RAB10: variants seen among roughly 807,000 people sequenced by gnomAD.
RAB10 encodes the protein ras-related protein Rab-10.
RAB10 carries 5 observed loss-of-function variants against 25.7 expected under a neutral mutation model. The ratio of observed to expected loss-of-function variants is 0.19; its 90% CI spans 0.10 to 0.41. The LOEUF (loss-of-function observed/expected upper bound fraction) is 0.41. Among genes scored for constraint, RAB10 ranks in the 10% least tolerant of loss-of-function variants. The pLI, the probability that RAB10 is intolerant of heterozygous loss-of-function variation, is 1.00. For missense variants in RAB10, 103 were observed against 245.8 expected (o/e 0.42, Z 3.89); for synonymous variants, 89 against 86.4 (o/e 1.03, Z -0.16).
chr2:26,089,032 G>T (rs575700960), intron 1 of RAB10, among the ~76,000 whole-genome samples: 44 of 152,292 alleles, frequency 2.9e-4, no homozygotes, highest in African/African-American at 7.9e-4. Context: ...TTAGCGCTAT[G>T]AAAGTTGTGT....
At chr2:26,046,202 G>C (rs577334299) in intron 1 of RAB10, among the ~76,000 whole-genome samples, 3 of 152,114 alleles carry the variant, frequency 2.0e-5, no homozygotes, top group African/African-American at 4.8e-5. Context: ...GCGCATGCCT[G>C]TAGTCCCAGC....
At chr2:26,033,648 C>A (rs1359333921), upstream of RAB10, among the ~76,000 whole-genome samples, 2 of 152,250 alleles carry the variant, frequency 1.3e-5, no homozygotes, top group Non-Finnish European at 2.9e-5. Context: ...CCAAGCCCGT[C>A]GCTGCGCCAA....
chr2:26,102,391 G>T lies in RAB10; in HGVS notation c.188+3669G>T, dbSNP rs1402729104. 2.7e-5 allele frequency among the ~76,000 whole-genome samples: 4 copies of T among 150,842 alleles called. No individual in the cohort carries two copies. The East Asian group carries it at 7.8e-4, about 29-fold the overall frequency. On this transcript the variant is annotated intron_variant, in intron 2 of 5. Coordinates refer to ENST00000264710, the MANE Select transcript of RAB10 (RefSeq NM_016131.5). ...AGGGCAGATCTATATATTTTGAGAT[G>T]AAATGAGCAAGTGACTGGGCTGTGA...
At chr2:26,069,786 G>A (rs1666586792) in intron 1 of RAB10, among the ~76,000 whole-genome samples, 2 of 151,618 alleles carry the variant, frequency 1.3e-5, no homozygotes, top group South Asian at 2.1e-4. Context: ...TCTCACTGCA[G>A]CCTTCACCTC....
At chr2:26,037,228 C>G (rs1346235537) in intron 1 of RAB10, among the ~76,000 whole-genome samples, 1 of 152,160 alleles carries the variant, frequency 6.6e-6, no homozygotes. Flanking sequence ...AGCCCTTTTA[C>G]TTGGGAAGAT....
chr2:26,114,495 A>T (rs764981334), intron 3 of RAB10, among the ~76,000 whole-genome samples: 9 of 152,168 alleles, frequency 5.9e-5, no homozygotes, highest in Non-Finnish European at 1.2e-4. Flanking sequence ...TGGGCAAAAG[A>T]ATAGTCTTTC....
chr2:26,073,199 A>G (rs1666664598), intron 1 of RAB10, among the ~76,000 whole-genome samples: 2 of 152,330 alleles, frequency 1.3e-5, no homozygotes, highest in African/African-American at 2.4e-5. Context: ...TTTTAAAAGT[A>G]GAGAAGGATT....
intron 1 of RAB10, among the ~76,000 whole-genome samples, chr2:26,054,958 G>A (rs955436896): frequency 6.6e-6 from 1 of 151,440 alleles, no homozygotes; most frequent in African/African-American, 2.4e-5. Flanking sequence ...TGCAGCCTGG[G>A]TGACAGAGTG....
At chr2:26,077,660 A>G (rs2149272506) in intron 1 of RAB10, among the ~76,000 whole-genome samples, 1 of 152,292 alleles carries the variant, frequency 6.6e-6, no homozygotes, top group East Asian at 1.9e-4. Context: ...GGAACTTCAG[A>G]ATAGAATTGC....
At chr2:26,129,971 G>A (rs1324268782) in intron 5 of RAB10, among the ~76,000 whole-genome samples, 3 of 152,104 alleles carry the variant, frequency 2.0e-5, no homozygotes, top group East Asian at 1.9e-4. Flanking sequence ...ATATGTACAC[G>A]CAGATACATT....
chr2:26,106,863 C>T (rs754774719), intron 2 of RAB10, among the ~76,000 whole-genome samples: 2 of 151,832 alleles, frequency 1.3e-5, no homozygotes, highest in East Asian at 1.9e-4. Flanking sequence ...CCAGCCTGGG[C>T]GACAGAGCAA....
In RAB10 at chr2:26,045,340, C is replaced by T. The variant is rs544751616; in HGVS notation, c.127+10605C>T. Among the ~76,000 whole-genome samples the T allele has an allele frequency of 5.8e-4, 88 of 151,752 alleles. 2 individuals carry two copies. The South Asian group carries it at 0.013, about 22-fold the overall frequency. On this transcript the variant is annotated intron_variant, in intron 1 of 5. Transcript: ENST00000264710. Reference sequence around the variant, plus strand: ...CTGCAAGCTCCGCCTCCCGGGTTCACGCCATTCTCCTGCCTCAGCCTCCTG... The same window carrying T: ...CTGCAAGCTCCGCCTCCCGGGTTCATGCCATTCTCCTGCCTCAGCCTCCTG...
intron 1 of RAB10, among the ~76,000 whole-genome samples, chr2:26,072,368 AT>A (rs1666645315): frequency 6.6e-6 from 1 of 152,018 alleles, no homozygotes; most frequent in Non-Finnish European, 1.5e-5. Flanking sequence ...GTGAGCTGAG[AT>A]CAAATTACTG....
intron 1 of RAB10, among the ~76,000 whole-genome samples, chr2:26,042,460 A>AC (rs746250750): frequency 4.2e-4 from 64 of 151,966 alleles, no homozygotes; most frequent in Admixed American, 1.8e-3. Context: ...ACTTAGCGAG[A>AC]CCCCATCTCT....
At chr2:26,036,844 C>T (rs1263516833) in intron 1 of RAB10, among the ~76,000 whole-genome samples, 3 of 151,908 alleles carry the variant, frequency 2.0e-5, no homozygotes, top group Non-Finnish European at 4.4e-5. Context: ...GGCTGGAGTG[C>T]AGTGGCGTGA....
intron 1 of RAB10, among the ~76,000 whole-genome samples, chr2:26,053,087 G>C (rs530084321): frequency 4.6e-5 from 7 of 152,320 alleles, no homozygotes; most frequent in African/African-American, 1.7e-4. Context: ...TGACTTTGGA[G>C]AGAAGGGGTT....
At chr2:26,124,467 A>AAT (rs1466766503) in intron 3 of RAB10, among the ~76,000 whole-genome samples, 1 of 126,660 alleles carries the variant, frequency 7.9e-6, no homozygotes, top group Non-Finnish European at 1.6e-5. Context: ...TGGCAGTGAT[A>AAT]ATAGTTCACT....
chr2:26,108,429 A>G (rs948364835), intron 2 of RAB10, among the ~76,000 whole-genome samples: 3 of 152,244 alleles, frequency 2.0e-5, no homozygotes, highest in Non-Finnish European at 4.4e-5. Flanking sequence ...ACATGATTCC[A>G]CTTACGTAAC....
intron 3 of RAB10, among the ~76,000 whole-genome samples, chr2:26,122,639 A>G (rs562175923): frequency 1.2e-4 from 18 of 151,368 alleles, no homozygotes; most frequent in Non-Finnish European, 2.5e-4. Flanking sequence ...AAAAAAAACA[A>G]AAAAAAAGGG....
Sources: allele counts gnomAD v4.1 joint callset (sites outside exome capture counted in the v4.1 genomes callset), GRCh38; gene constraint gnomAD v4.1.1; transcripts MANE v1.5; gene names NCBI Gene and HGNC (gene_info 2026-07-23, HGNC 2026-07-21).